The following CHRNA3 variants were observed in gnomAD, a reference collection of about 807,000 sequenced individuals.
CHRNA3 encodes the protein cholinergic receptor nicotinic alpha 3 subunit.
CHRNA3 carries 34 observed loss-of-function variants against 41.9 expected under a neutral mutation model. That is an observed-to-expected ratio of 0.81 (90% CI 0.62 to 1.08). The LOEUF is 1.08. CHRNA3 is among the 50% of genes least tolerant of loss of function. CHRNA3 has a pLI of 0.00. For missense variants in CHRNA3, 542 were observed against 638.3 expected (o/e 0.85, Z 1.63); for synonymous variants, 281 against 265.2 (o/e 1.06, Z -0.58).
intron 3 of CHRNA3, among the ~76,000 whole-genome samples, 161 bp from the exon 4 acceptor site, chr15:78,617,294 G>C (rs897813961): frequency 6.6e-6 from 1 of 152,174 alleles, no homozygotes; most frequent in Non-Finnish European, 1.5e-5. Context: ...TGTGGGTGTA[G>C]TGCAGGAGAG....
Position 78,595,347 on chromosome 15 carries a change from A to C in CHRNA3, c.*1257T>G, listed in dbSNP as rs2053085652. 2.1e-6 allele frequency: 2 copies of C among 957,876 alleles called. No homozygotes were observed. The highest frequency in any genetic ancestry group is 1.2e-6 in the Non-Finnish European group (1 of 822,410). The allele number at this position is 957,876 out of a possible 1,614,324, so 59.3% of individuals were successfully genotyped here. A position where few individuals can be genotyped will look rare whatever the true frequency, so the allele number is the denominator to read the frequency against. On this transcript the variant is annotated 3_prime_UTR_variant, in exon 6 of 6. Transcript: ENST00000326828. ...ATTTTATTTTTGCACAGGAAAAACT[A>C]GTGAGACAAGATTCAAACAGTCTCT...
At chr15:78,614,237 TAA>T (rs2053428975) in intron 4 of CHRNA3, among the ~76,000 whole-genome samples, 1 of 152,200 alleles carries the variant, frequency 6.6e-6, no homozygotes, top group Non-Finnish European at 1.5e-5. Context: ...ACATGAAGAT[TAA>T]ACTTTTTGCT....
chr15:78,618,769 C>T lies in CHRNA3; in HGVS notation c.222+7G>A, dbSNP rs758069780. On this transcript the variant is annotated splice_region_variant and intron_variant, in intron 2 of 5. Coordinates refer to ENST00000326828, the MANE Select transcript of CHRNA3 (RefSeq NM_000743.5). The stretch of plus-strand genomic sequence containing the variant: ...CATGGCCACGGCTCGTGGCTTCCAG[C>T]ACTCACCACCTTCACCAGCTGAGAC... 1 of 1,614,102 alleles carries T rather than the reference C, an allele frequency of 6.2e-7. No individual in the cohort carries two copies. The highest frequency in any genetic ancestry group is 8.5e-7 in the Non-Finnish European group (1 of 1,180,022).
chr15:78,594,033 C>G (rs1323863979), downstream of CHRNA3: 1 of 152,150 alleles, frequency 6.6e-6, no homozygotes, highest in Non-Finnish European at 1.5e-5. Flanking sequence ...GAGCAAAACT[C>G]AGTCTCAAAT....
At chr15:78,617,899 A>G (rs1250716243) in intron 3 of CHRNA3, among the ~76,000 whole-genome samples, 1 of 152,218 alleles carries the variant, frequency 6.6e-6, no homozygotes, top group Non-Finnish European at 1.5e-5. Context: ...CGATCTGAAC[A>G]GGAAAATCTA....
At chr15:78,607,291 A>G in intron 4 of CHRNA3, 2 of 152,338 alleles carry the variant, frequency 1.3e-5, no homozygotes, top group Middle Eastern at 6.8e-3. Flanking sequence ...CAAGTTACCT[A>G]AAAGTATTCT....
intron 4 of CHRNA3, among the ~76,000 whole-genome samples, chr15:78,611,000 ACT>A (rs1223635267): frequency 1.3e-5 from 2 of 152,066 alleles, no homozygotes; most frequent in Non-Finnish European, 2.9e-5. Context: ...GGACACATAC[ACT>A]CTCCCAAGAC....
intron 4 of CHRNA3, among the ~76,000 whole-genome samples, chr15:78,611,589 C>T (rs191534087): frequency 6.6e-6 from 1 of 152,264 alleles, no homozygotes; most frequent in Admixed American, 6.5e-5. Flanking sequence ...TAAGAGCTGT[C>T]TATGAGAAAC....
rs529937325 is a variant in CHRNA3, at chr15:78,611,736, G to A, written c.377+5288C>T. On this transcript the variant is annotated intron_variant, in intron 4 of 5. Coordinates refer to ENST00000326828, the MANE Select transcript of CHRNA3 (RefSeq NM_000743.5). ...TTCTGGCCAGGGCAATTAGGCAGGA[G>A]AAGGAAATAAAGGGATTCAATTAGG... 2.0e-5 allele frequency among the ~76,000 whole-genome samples: 3 copies of A among 151,840 alleles called. No homozygotes were observed. The South Asian group carries it at 6.3e-4, about 32-fold the overall frequency.
rs559678012 is a variant in CHRNA3 at position 78,605,168 on chromosome 15, G to A, written c.378-2904C>T. Reference sequence around the variant, plus strand: ...AGCTGAGGTAGCACTATCATACAGGGGGCATTTAAGAACAGAAGTGGGGTG... The same window carrying A: ...AGCTGAGGTAGCACTATCATACAGGAGGCATTTAAGAACAGAAGTGGGGTG... On this transcript the variant is annotated intron_variant, in intron 4 of 5. Coordinates refer to ENST00000326828, the MANE Select transcript of CHRNA3 (RefSeq NM_000743.5). 2.0e-5 allele frequency among the ~76,000 whole-genome samples: 3 copies of A among 152,226 alleles called. No individual in the cohort carries two copies. The East Asian group carries it at 5.8e-4, about 29-fold the overall frequency.
chr15:78,611,783 C>T (rs897156808), intron 4 of CHRNA3, among the ~76,000 whole-genome samples: 21 of 151,894 alleles, frequency 1.4e-4, no homozygotes, highest in African/African-American at 4.4e-4. Flanking sequence ...TCAAATTGTC[C>T]CTGTTTGCAG....
At chr15:78,620,627 G>A (rs1596087271) in intron 1 of CHRNA3, 86 bp downstream of exon 1, 1 of 1,440,904 alleles carries the variant, frequency 6.9e-7, no homozygotes, top group Non-Finnish European at 9.0e-7. Context: ...GCTCGCCCGC[G>A]CGGTGTTCTC....
chr15:78,604,296 C>T (rs1028674197), intron 4 of CHRNA3, among the ~76,000 whole-genome samples: 1 of 152,200 alleles, frequency 6.6e-6, no homozygotes, highest in Non-Finnish European at 1.5e-5. Flanking sequence ...CATTTGCTAG[C>T]CCCTGCTCTA....
At chr15:78,617,169 T>A in intron 3 of CHRNA3, 36 bp from the exon 4 acceptor site, 1 of 1,433,000 alleles carries the variant, frequency 7.0e-7, no homozygotes, top group Non-Finnish European at 9.8e-7. Context: ...AAGGAGACGG[T>A]AAAAGAATCA....
intron 5 of CHRNA3, among the ~76,000 whole-genome samples, chr15:78,597,494 C>T (rs2053132341): frequency 6.6e-6 from 1 of 152,108 alleles, no homozygotes; most frequent in African/African-American, 2.4e-5. Flanking sequence ...GTTATCAGGG[C>T]AAGTCCATCC....
chr15:78,614,978 A>C (rs1414895899), intron 4 of CHRNA3, among the ~76,000 whole-genome samples: 1 of 152,288 alleles, frequency 6.6e-6, no homozygotes, highest in South Asian at 2.1e-4. Flanking sequence ...GAGGCCTCCC[A>C]AAACTGGCGG....
intron 1 of CHRNA3, chr15:78,620,392 C>CGCGGGGCAGGGCGACGGGCAGT: frequency 8.5e-6 from 3 of 351,682 alleles, no homozygotes; most frequent in Non-Finnish European, 1.0e-5. Context: ...CGACGGGCAG[C>CGCGGGGCAGGGCGACGGGCAGT]GCGGGGACGC....
At chr15:78,618,306 G>T in intron 3 of CHRNA3, 1 of 351,344 alleles carries the variant, frequency 2.8e-6, no homozygotes, top group South Asian at 4.3e-5. Context: ...CACCACCCCA[G>T]GGTTTGGGGG....
At position 78,597,763 on chromosome 15, in the gene CHRNA3, TAATTG is replaced by T. The variant is rs538474644; in HGVS notation, c.1390-1036_1390-1032del. ...GACAATTCAGAAAGCAAAGAAGCCA[TAATTG>T]AATTGAGAGAACCCATGAGTCAGCT... On this transcript the variant is annotated intron_variant, in intron 5 of 5. Coordinates refer to ENST00000326828, the MANE Select transcript of CHRNA3 (RefSeq NM_000743.5). Among the ~76,000 whole-genome samples, 232 of 152,300 alleles carry T rather than the reference TAATTG, an allele frequency of 1.5e-3. 2 individuals are homozygous for T. Among genetic ancestry groups the T allele is most frequent in the African/African-American group, 5.4e-3 (225 of 41,572 alleles).
Sources: allele counts gnomAD v4.1 joint callset (sites outside exome capture counted in the v4.1 genomes callset), GRCh38; gene constraint gnomAD v4.1.1; transcripts MANE v1.5; gene names NCBI Gene and HGNC (gene_info 2026-07-23, HGNC 2026-07-21).